The following ANKMY1 variants were observed in gnomAD, a reference collection of about 807,000 sequenced individuals.
ANKMY1 encodes the protein ankyrin repeat and MYND domain containing 1.
In ANKMY1, 98 loss-of-function variants were observed where a neutral mutation model predicts 102.0. That is an observed-to-expected ratio of 0.96 (90% CI 0.82 to 1.14). The LOEUF is 1.14. Among genes scored for constraint, ANKMY1 ranks in the 50% most tolerant of loss-of-function variants. The pLI, the probability that ANKMY1 is intolerant of heterozygous loss-of-function variation, is 0.00. For synonymous variants in ANKMY1, 582 were observed against 559.9 expected (o/e 1.04, Z -0.56); for missense variants, 1,330 against 1,347.6 (o/e 0.99, Z 0.20).
intron 4 of ANKMY1, among the ~76,000 whole-genome samples, chr2:240,551,344 ATTC>A (rs1231813179): frequency 6.6e-6 from 1 of 152,214 alleles, no homozygotes; most frequent in Non-Finnish European, 1.5e-5. Context: ...ATTTGTGAAT[ATTC>A]TTAATTCATG....
At chr2:240,477,900 GAC>G (rs1421303854), downstream of ANKMY1, among the ~76,000 whole-genome samples, 2 of 152,146 alleles carry the variant, frequency 1.3e-5, no homozygotes, top group East Asian at 3.8e-4. Context: ...AGATCAGAAG[GAC>G]ACACACAAAG....
intron 4 of ANKMY1, among the ~76,000 whole-genome samples, chr2:240,545,650 C>T (rs1007569263): frequency 1.3e-5 from 2 of 152,080 alleles, no homozygotes; most frequent in African/African-American, 4.8e-5. Context: ...ATAACCAATA[C>T]AGAGAAGTGC....
intron 2 of ANKMY1, among the ~76,000 whole-genome samples, chr2:240,555,743 A>G (rs1343969156): frequency 1.3e-5 from 2 of 151,796 alleles, no homozygotes; most frequent in South Asian, 2.1e-4. Context: ...CGGACGTGGC[A>G]TCTCAGACCA....
chr2:240,547,352 C>A (rs2090593600), intron 4 of ANKMY1, among the ~76,000 whole-genome samples: 1 of 152,000 alleles, frequency 6.6e-6, no homozygotes, highest in Non-Finnish European at 1.5e-5. Context: ...CTCTGGGACG[C>A]ATTCAAAGCA....
Position 240,520,475 on chromosome 2 carries a change from G to A in ANKMY1, c.1891C>T (p.Leu631=). The A allele has an allele frequency of 6.2e-7, 1 of 1,613,412 alleles. No individual in the cohort carries two copies. Among genetic ancestry groups the A allele is most frequent in the Non-Finnish European group, 8.5e-7 (1 of 1,179,760 alleles). ...AGGACCTGCATGGGCACGCAGCACAGGTTGGGGTCCGCGCCCCGGCGCAGC... is the reference window on the plus strand; with the variant it reads ...AGGACCTGCATGGGCACGCAGCACAAGTTGGGGTCCGCGCCCCGGCGCAGC... ...LLLRRGADPN[L]CCVPMQVLFL... is the part of the protein sequence containing the mutation. The change falls in exon 9 of 18, where the codon CTG becomes TTG. Residue 631 remains leucine (L), a synonymous_variant. Coordinates refer to ENST00000401804, the MANE Select transcript of ANKMY1 (RefSeq NM_001282771.3). This position sits in a 1 kb window ranked among gnomAD's most constrained non-coding sequence, Gnocchi z 4.8.
chr2:240,512,924 G>A lies in ANKMY1; in HGVS notation c.2023C>T (p.Leu675Phe). Residue 675 changes from leucine to phenylalanine, a missense_variant, in exon 10 of 18, where the codon CTC becomes TTC. Leu to Phe is a conservative substitution (Grantham distance 22). Coordinates refer to ENST00000401804, the MANE Select transcript of ANKMY1 (RefSeq NM_001282771.3). ...FPPQLSTLTP[L>F]HIAAALPGEE... is the part of the protein sequence containing the mutation. ...CCAGGAAGGGCGGCAGCGATGTGGA[G>A]TGGTGTCAGGGTGCTCAGCTGCAGA... The A allele has an allele frequency of 6.2e-7, 1 of 1,613,722 alleles. No homozygotes were observed. Among genetic ancestry groups the A allele is most frequent in the Non-Finnish European group, 8.5e-7 (1 of 1,179,840 alleles).
At chr2:240,507,717 A>C (rs770686911) in intron 12 of ANKMY1, 26 bp from the exon 13 acceptor site, 5 of 1,572,008 alleles carry the variant, frequency 3.2e-6, no homozygotes, top group Non-Finnish European at 4.3e-6. Flanking sequence ...CAGTCTCATC[A>C]GTGGCCACCA....
intron 4 of ANKMY1, among the ~76,000 whole-genome samples, chr2:240,537,785 A>T (rs551722229): frequency 1.1e-4 from 17 of 152,346 alleles, no homozygotes; most frequent in Non-Finnish European, 2.2e-4. Context: ...TGTAAACCAC[A>T]ACAAGTGGAG....
At chr2:240,474,368 A>G in the ANKMY1 span, among the ~76,000 whole-genome samples, 1 of 149,824 alleles carries the variant, frequency 6.7e-6, no homozygotes, top group African/African-American at 2.5e-5. Flanking sequence ...CGGCCTCCCA[A>G]AGTGCTGGGA....
intron 4 of ANKMY1, among the ~76,000 whole-genome samples, chr2:240,534,112 C>T (rs990027202): frequency 1.3e-5 from 2 of 152,206 alleles, no homozygotes; most frequent in African/African-American, 4.8e-5. Context: ...ACACTGTCCA[C>T]CCACTCGTCA....
chr2:240,544,540 G>C (rs1415031511), intron 4 of ANKMY1, among the ~76,000 whole-genome samples: 1 of 152,208 alleles, frequency 6.6e-6, no homozygotes, highest in Non-Finnish European at 1.5e-5. Context: ...CTGGTCTACA[G>C]CTCCGAGCAT....
At chr2:240,486,824 G>A (rs2076111347) in intron 15 of ANKMY1, among the ~76,000 whole-genome samples, 1 of 152,130 alleles carries the variant, frequency 6.6e-6, no homozygotes, top group Admixed American at 6.6e-5. Context: ...CCATCTTTGA[G>A]CACTTTGAAT....
chr2:240,557,237 A>G lies in ANKMY1; in HGVS notation c.99T>C (p.Ala33=). 1 of 1,592,868 alleles carries G rather than the reference A, an allele frequency of 6.3e-7. No individual in the cohort carries two copies. Among genetic ancestry groups the G allele is most frequent in the Non-Finnish European group, 8.6e-7 (1 of 1,168,884 alleles). The change falls in exon 2 of 18, where the codon GCT becomes GCC. Residue 33 remains alanine, a synonymous_variant. Transcript: ENST00000401804. The stretch of plus-strand genomic sequence containing the variant: ...TCTTCAGGGACCCCGGCTCCTCGGC[A>G]GCAGGGGTCTCGCCGCCCTTCCCCT... ...PLEGKGGETP[A]AEEPGSLKNY...
At position 240,481,084 on chromosome 2, in the gene ANKMY1, T is replaced by C. The variant is rs1241264052; in HGVS notation, c.2899A>G (p.Lys967Glu). ...GAGCGGCCACACTGGTAGCAGAACTTGAAGAAGGGAATTCTGCAACAGAGC... is the reference window on the plus strand; with the variant it reads ...GAGCGGCCACACTGGTAGCAGAACTCGAAGAAGGGAATTCTGCAACAGAGC... ...VKEQGQIPFF[K>E]FCYQCGRSIG... Residue 967 changes from lysine to glutamate, a missense_variant, in exon 17 of 18, where the codon AAG becomes GAG. By Grantham distance (56) the Lys-to-Glu change is moderately conservative. Transcript: ENST00000401804. 2 of 1,609,656 alleles carry C rather than the reference T, an allele frequency of 1.2e-6. No individual in the cohort carries two copies. Among genetic ancestry groups the C allele is most frequent in the Non-Finnish European group, 1.7e-6 (2 of 1,176,710 alleles).
rs563273004 is a variant in ANKMY1 at position 240,502,490 on chromosome 2, G to A, written c.2527-1925C>T. Among the ~76,000 whole-genome samples, 7 of 152,066 alleles carry A rather than the reference G, an allele frequency of 4.6e-5. No individual in the cohort carries two copies. In the East Asian group the frequency reaches 1.4e-3, roughly 30 times the overall value. ...GACCCCAACCCCTGGGAGTCACTGG[G>A]GACAGCCAGCCCCAGCAGGGTATGC... On this transcript the variant is annotated intron_variant, in intron 13 of 17. Coordinates refer to ENST00000401804, the MANE Select transcript of ANKMY1 (RefSeq NM_001282771.3).
Position 240,511,951 on chromosome 2 carries a change from G to C in ANKMY1, c.2196C>G (p.Pro732=). The C allele has an allele frequency of 6.4e-7, 1 of 1,568,898 alleles. No homozygotes were observed. Among genetic ancestry groups the C allele is most frequent in the East Asian group, 2.4e-5 (1 of 40,826 alleles). Residue 732 remains proline, a synonymous_variant, in exon 11 of 18, where the codon CCC becomes CCG. Coordinates refer to ENST00000401804, the MANE Select transcript of ANKMY1 (RefSeq NM_001282771.3). ...CTGTGTCCGTGCTGTAGTAGGCTTG[G>C]GGAGGGCCTGGCTCATTGCTGAGCT... The part of the protein sequence containing the change: ...SLKLSNEPGP[P]QAYYSTDTAL...
At chr2:240,507,384 A>C (rs2079271922) in intron 13 of ANKMY1, among the ~76,000 whole-genome samples, 176 bp downstream of exon 13, 1 of 54,620 alleles carries the variant, frequency 1.8e-5, no homozygotes, top group Non-Finnish European at 3.5e-5. Flanking sequence ...CACCAGGGCT[A>C]CCCAGCCCTC....
In ANKMY1 at chr2:240,544,676, C is replaced by T. The variant is rs549413868; in HGVS notation, c.480+8238G>A. 7.2e-4 allele frequency among the ~76,000 whole-genome samples: 109 copies of T among 151,872 alleles called. 1 individual carries two copies. The highest frequency in any genetic ancestry group is 2.5e-3 in the African/African-American group (104 of 41,132). ...GCACTGTGCGCAAGCCGAAGCCGGG[C>T]GAGGCATTGCCTCACTCAGGAAGCG... On this transcript the variant is annotated intron_variant, in intron 4 of 17. Transcript: ENST00000401804.
At position 240,511,920 on chromosome 2, in the gene ANKMY1, G is replaced by C; in HGVS notation, c.2227C>G (p.Pro743Ala). 6.3e-7 allele frequency: 1 copy of C among 1,580,694 alleles called. No homozygotes were observed. The change falls in exon 11 of 18, where the codon CCG (proline) becomes GCG (alanine). Residue 743 changes from proline to alanine, a missense_variant. Coordinates refer to ENST00000401804, the MANE Select transcript of ANKMY1 (RefSeq NM_001282771.3). ...QAYYSTDTAL[P>A]EEGGRTALHM... is the part of the protein sequence containing the mutation. Reference sequence around the variant, plus strand: ...AGAGCCGTCCTGCCCCCCTCCTCCGGGAGGGCTGTGTCCGTGCTGTAGTAG... The same window carrying C: ...AGAGCCGTCCTGCCCCCCTCCTCCGCGAGGGCTGTGTCCGTGCTGTAGTAG...
Sources: gnomAD v4.1 joint callset for allele counts (sites outside exome capture counted in the v4.1 genomes callset) on GRCh38, gnomAD v4.1.1 for gene constraint, Gnocchi (gnomAD v3.1) non-coding constraint, MANE v1.5 for transcripts, NCBI Gene and HGNC (gene_info 2026-07-23, HGNC 2026-07-21) for gene names.